The following TRIM44 variants were observed in gnomAD, a reference collection of about 807,000 sequenced individuals.
TRIM44 encodes tripartite motif containing 44.
A neutral mutation model predicts 37.4 loss-of-function variants in TRIM44; 13 were observed. That is an observed-to-expected ratio of 0.35 (90% CI 0.23 to 0.55). The LOEUF (loss-of-function observed/expected upper bound fraction) is 0.55. Among genes scored for constraint, TRIM44 ranks in the 20% least tolerant of loss-of-function variants. The probability of loss-of-function intolerance (pLI) is 0.89; values close to 1 mark genes in which losing one functional copy is unlikely to be tolerated. For synonymous variants in TRIM44, 175 were observed against 157.2 expected (o/e 1.11, Z -0.85); for missense variants, 426 against 437.2 (o/e 0.97, Z 0.23).
At chr11:35,803,536 C>T (rs897604070) in intron 4 of TRIM44, among the ~76,000 whole-genome samples, 4 of 152,062 alleles carry the variant, frequency 2.6e-5, no homozygotes, top group Admixed American at 6.6e-5. Context: ...TCAAGGCCAA[C>T]GTGGTGAAAC....
At position 35,674,786 on chromosome 11, in the gene TRIM44, A is replaced by G. The variant is rs553066605; in HGVS notation, c.670-10473A>G. 2.6e-5 allele frequency among the ~76,000 whole-genome samples: 4 copies of G among 152,376 alleles called. No homozygotes were observed. In the South Asian group the frequency reaches 8.3e-4, roughly 32 times the overall value. ...TCTAACTTCAGGAAGCTTACAGCCT[A>G]ATAGGAAAGAGAATCTTTTCACATG... On this transcript the variant is annotated intron_variant, in intron 1 of 4. Transcript: ENST00000299413.
intron 3 of TRIM44, among the ~76,000 whole-genome samples, chr11:35,732,230 T>C (rs1258979920): frequency 6.6e-6 from 1 of 152,228 alleles, no homozygotes; most frequent in African/African-American, 2.4e-5. Context: ...ATAAACAGCC[T>C]TGTTTGATTC....
chr11:35,799,745 A>G (rs1853341157), intron 4 of TRIM44, among the ~76,000 whole-genome samples: 1 of 152,060 alleles, frequency 6.6e-6, no homozygotes, highest in Non-Finnish European at 1.5e-5. Context: ...GCTATCGGTG[A>G]GTTTATGTAT....
At chr11:35,729,969 C>A (rs906791593) in intron 3 of TRIM44, among the ~76,000 whole-genome samples, 1 of 151,952 alleles carries the variant, frequency 6.6e-6, no homozygotes, top group Non-Finnish European at 1.5e-5. Context: ...AGTGCAAGAC[C>A]CTGTCTCAAA....
intron 4 of TRIM44, among the ~76,000 whole-genome samples, chr11:35,744,752 G>A (rs1215253698): frequency 6.6e-6 from 1 of 152,048 alleles, no homozygotes; most frequent in Non-Finnish European, 1.5e-5. Context: ...GCCCCAATTT[G>A]TGGTGTTCCC....
At position 35,663,301 on chromosome 11, in the gene TRIM44, T is replaced by G; in HGVS notation, c.190T>G (p.Ser64Ala). 1 of 1,613,874 alleles carries G rather than the reference T, an allele frequency of 6.2e-7. No individual in the cohort carries two copies. Among genetic ancestry groups the G allele is most frequent in the Non-Finnish European group, 8.5e-7 (1 of 1,179,966 alleles). Residue 64 changes from serine (S) to alanine (A), a missense_variant, in exon 1 of 5, where the codon TCC becomes GCC. Physicochemically the swap from Ser to Ala is moderately conservative, Grantham distance 99. Coordinates refer to ENST00000299413, the MANE Select transcript of TRIM44 (RefSeq NM_017583.6). ...CCATCTGGCCGAATACGTCCACGGCTCCCAGGCCTGGACCCCGCCAGCTGA... is the reference window on the plus strand; with the variant it reads ...CCATCTGGCCGAATACGTCCACGGCGCCCAGGCCTGGACCCCGCCAGCTGA... ...SHHLAEYVHG[S>A]QAWTPPADGE... is the part of the protein sequence containing the mutation.
chr11:35,692,917 C>T (rs1298525069), intron 2 of TRIM44, among the ~76,000 whole-genome samples: 12 of 149,422 alleles, frequency 8.0e-5, no homozygotes, highest in Admixed American at 1.3e-4. Context: ...AGCAAGATTC[C>T]GTCTCAAAAA....
At chr11:35,724,035 C>T (rs1669539457) in intron 2 of TRIM44, among the ~76,000 whole-genome samples, 1 of 152,168 alleles carries the variant, frequency 6.6e-6, no homozygotes, top group Admixed American at 6.5e-5. Context: ...AATACACTTT[C>T]CCATTTTCTC....
At chr11:35,724,559 A>C (rs1440721420) in intron 2 of TRIM44, among the ~76,000 whole-genome samples, 1 of 152,250 alleles carries the variant, frequency 6.6e-6, no homozygotes, top group African/African-American at 2.4e-5. Flanking sequence ...TAAAATAATC[A>C]TAAAATAAAC....
intron 3 of TRIM44, among the ~76,000 whole-genome samples, chr11:35,731,211 A>G (rs1852254709): frequency 6.6e-6 from 1 of 152,204 alleles, no homozygotes; most frequent in African/African-American, 2.4e-5. Flanking sequence ...ACTATTAAGT[A>G]TGATGTTTTT....
At chr11:35,692,060 C>T (rs1248990502) in intron 2 of TRIM44, among the ~76,000 whole-genome samples, 5 of 152,100 alleles carry the variant, frequency 3.3e-5, no homozygotes, top group Admixed American at 3.3e-4. Context: ...GTAAGTCAAA[C>T]CATTGTATGG....
intron 3 of TRIM44, among the ~76,000 whole-genome samples, chr11:35,731,091 T>G (rs1852252731): frequency 6.6e-6 from 1 of 152,134 alleles, no homozygotes; most frequent in African/African-American, 2.4e-5. Context: ...TATTTCTTTG[T>G]CTTGTCTTAC....
chr11:35,798,529 TC>T (rs1201279888), intron 4 of TRIM44, among the ~76,000 whole-genome samples: 1 of 152,198 alleles, frequency 6.6e-6, no homozygotes, highest in Non-Finnish European at 1.5e-5. Flanking sequence ...CTAAAGCTGT[TC>T]TAAAAATTAA....
chr11:35,713,017 G>A (rs1435805342), intron 2 of TRIM44, among the ~76,000 whole-genome samples: 1 of 152,146 alleles, frequency 6.6e-6, no homozygotes. Context: ...GACCAAACCT[G>A]CAGAATGCAA....
intron 1 of TRIM44, among the ~76,000 whole-genome samples, chr11:35,665,269 A>G (rs1462567350): frequency 1.3e-5 from 2 of 152,148 alleles, no homozygotes; most frequent in Non-Finnish European, 2.9e-5. Context: ...TTGCTGTGTC[A>G]GAGGCTATGC....
intron 1 of TRIM44, among the ~76,000 whole-genome samples, chr11:35,672,406 A>C (rs2135484157): frequency 6.6e-6 from 1 of 152,318 alleles, no homozygotes; most frequent in East Asian, 1.9e-4. Flanking sequence ...CGTCTAGTGT[A>C]CCCCAAGATC....
At chr11:35,711,875 A>G (rs1851979293) in intron 2 of TRIM44, among the ~76,000 whole-genome samples, 2 of 152,204 alleles carry the variant, frequency 1.3e-5, no homozygotes, top group African/African-American at 4.8e-5. Context: ...CCTCCCCACA[A>G]AGTTCCAGAA....
chr11:35,662,905 G>A lies in TRIM44; in HGVS notation c.-207G>A. 1 of 816,336 alleles carries A rather than the reference G, an allele frequency of 1.2e-6. No individual in the cohort carries two copies. The highest frequency in any genetic ancestry group is 1.7e-6 in the Non-Finnish European group (1 of 588,128). The allele number at this position is 816,336 out of a possible 1,614,324, so 50.6% of individuals were successfully genotyped here. ...AGAGGAAGCGCAGGGACAGAGCGGA[G>A]CAGGCCGAGCCGGCGGAAAGGGTCT... is the stretch of plus-strand genomic sequence containing the variant. On this transcript the variant is annotated 5_prime_UTR_variant, in exon 1 of 5. Coordinates refer to ENST00000299413, the MANE Select transcript of TRIM44 (RefSeq NM_017583.6).
At chr11:35,770,864 CT>C (rs1852859309) in intron 4 of TRIM44, among the ~76,000 whole-genome samples, 1 of 152,094 alleles carries the variant, frequency 6.6e-6, no homozygotes, top group Admixed American at 6.6e-5. Flanking sequence ...CTCATTTTCT[CT>C]TGCCACCACC....
Sources: gnomAD v4.1 joint callset for allele counts (sites outside exome capture counted in the v4.1 genomes callset) on GRCh38, gnomAD v4.1.1 for gene constraint, MANE v1.5 for transcripts, NCBI Gene and HGNC (gene_info 2026-07-23, HGNC 2026-07-21) for gene names.